Variants in CLSTN1 observed in about 807,000 individuals in gnomAD.
CLSTN1 encodes calsyntenin 1, also known as calsyntenin-1.
Under a neutral mutation model 108.3 loss-of-function variants are expected in CLSTN1, and 28 were observed. The observed-to-expected ratio is 0.26, with a 90% CI of 0.19 to 0.35. The LOEUF (loss-of-function observed/expected upper bound fraction) is 0.35, where lower values mean the gene tolerates loss of function less well. Ranked by LOEUF, CLSTN1 falls within the 10% of genes least tolerant of loss-of-function variation. The pLI, the probability that CLSTN1 is intolerant of heterozygous loss-of-function variation, is 1.00. For missense variants in CLSTN1, 1,157 were observed against 1,302.6 expected (o/e 0.89, Z 1.72); for synonymous variants, 524 against 534.9 (o/e 0.98, Z 0.28).
chr1:9,737,366 CA>C (rs138122264), intron 11 of CLSTN1, 131 bp downstream of exon 11: 8,883 of 790,688 alleles, frequency 0.011, 63 homozygotes, highest in Middle Eastern at 0.025. Flanking sequence ...TGGGGAAGCG[CA>C]ATGCAGGGAA....
intron 1 of CLSTN1, among the ~76,000 whole-genome samples, chr1:9,787,434 C>T (rs1653548906): frequency 1.4e-5 from 2 of 139,424 alleles, no homozygotes; most frequent in South Asian, 2.5e-4. Flanking sequence ...GACGGAGTCT[C>T]ACTCTGTCGC....
In CLSTN1 at chr1:9,784,129, G is replaced by A. The variant is rs542559649; in HGVS notation, c.92-10735C>T. On this transcript the variant is annotated intron_variant, in intron 1 of 18. Transcript: ENST00000377298. ...GGAGGTTGCAATGAGCCAAGATTGC[G>A]CCACTGCACTCCAGCCTGGGCGACA... Among the ~76,000 whole-genome samples, 20 of 141,728 alleles carry A rather than the reference G, an allele frequency of 1.4e-4. No homozygotes were observed. In the East Asian group the frequency reaches 3.3e-3, roughly 23 times the overall value. 93.0% of individuals were successfully genotyped at this position (141,728 alleles called of 152,430 possible).
rs1190350803 is a variant in CLSTN1, at chr1:9,755,142, C to T, written c.412G>A (p.Asp138Asn). ...IQAYDCGKGP[D>N]GTNVKKSHKA... ...TGAGACTTTTTCACGTTGGTGCCAT[C>T]AGGTCCCTTCCCACAATCATAGGCC... The change falls in exon 4 of 19, where the codon GAT (aspartate) becomes AAT (asparagine). Residue 138 changes from aspartate to asparagine, a missense_variant. Coordinates refer to ENST00000377298, the MANE Select transcript of CLSTN1 (RefSeq NM_001009566.3). 7.4e-6 allele frequency: 12 copies of T among 1,613,210 alleles called. No individual in the cohort carries two copies. The highest frequency in any genetic ancestry group is 9.3e-6 in the Non-Finnish European group (11 of 1,179,348).
At chr1:9,773,475 G>A in intron 1 of CLSTN1, 81 bp from the exon 2 acceptor site, 3 of 1,386,600 alleles carry the variant, frequency 2.2e-6, no homozygotes, top group Non-Finnish European at 2.9e-6. Flanking sequence ...ACACACACCT[G>A]CTATTAAAAT....
chr1:9,734,070 T>A lies in CLSTN1; in HGVS notation c.2183A>T (p.Glu728Val), dbSNP rs767351766. The A allele has an allele frequency of 1.2e-6, 2 of 1,613,936 alleles. No individual in the cohort carries two copies. The highest frequency in any genetic ancestry group is 2.2e-5 in the East Asian group (1 of 44,836). Reference sequence around the variant, plus strand: ...CAGGCTCTCCTGCTCGTGGTTCAGCTCCTCTCCCTCCACCGTGACCTCACA... The same window carrying A: ...CAGGCTCTCCTGCTCGTGGTTCAGCACCTCTCCCTCCACCGTGACCTCACA... ...DTCEVTVEGE[E>V]LNHEQESLEV... The change falls in exon 15 of 19, where the codon GAG (glutamate) becomes GTG (valine). Residue 728 changes from glutamate to valine, a missense_variant. Coordinates refer to ENST00000377298, the MANE Select transcript of CLSTN1 (RefSeq NM_001009566.3). The surrounding 1 kb of genome is among the most constrained non-coding windows in gnomAD (Gnocchi z 4.8).
Position 9,728,936 on chromosome 1 carries a change from G to GTTCT in CLSTN1, c.*1568_*1571dup, listed in dbSNP as rs985565907. The GTTCT allele has an allele frequency of 2.6e-5, 4 of 152,320 alleles. No individual in the cohort carries two copies. The highest frequency in any genetic ancestry group is 9.6e-5 in the African/African-American group (4 of 41,564). 9.4% of individuals were successfully genotyped at this position (152,320 alleles called of 1,614,324 possible). On this transcript the variant is annotated 3_prime_UTR_variant, in exon 19 of 19. Coordinates refer to ENST00000377298, the MANE Select transcript of CLSTN1 (RefSeq NM_001009566.3). ...GAAAAGAAAGAAAAAGCCTTTTTAT[G>GTTCT]TTCTTTTATGTTCTCGGCTCAAAAA...
At chr1:9,814,112 A>G (rs1654877907) in intron 1 of CLSTN1, among the ~76,000 whole-genome samples, 1 of 151,672 alleles carries the variant, frequency 6.6e-6, no homozygotes, top group Admixed American at 6.6e-5. Flanking sequence ...AAAAAAAAAA[A>G]GAAAGAAAAA....
chr1:9,782,049 G>A (rs1278469457), intron 1 of CLSTN1, among the ~76,000 whole-genome samples: 1 of 152,126 alleles, frequency 6.6e-6, no homozygotes, highest in African/African-American at 2.4e-5. Context: ...ATGTATGTCG[G>A]AATCTTGTTT....
chr1:9,764,199 G>A (rs1415658803), intron 2 of CLSTN1, among the ~76,000 whole-genome samples: 2 of 151,982 alleles, frequency 1.3e-5, no homozygotes, highest in Admixed American at 6.6e-5. Context: ...GAGCTCTTGT[G>A]GGAACTAAAA....
At chr1:9,751,411 A>G in intron 5 of CLSTN1, 62 bp downstream of exon 5, 2 of 1,521,232 alleles carry the variant, frequency 1.3e-6, no homozygotes, top group African/African-American at 1.4e-5. Flanking sequence ...GCTGGGGTGT[A>G]AAGTCAGTGG....
chr1:9,802,822 GA>G (rs1654339160), intron 1 of CLSTN1, among the ~76,000 whole-genome samples: 1 of 108,950 alleles, frequency 9.2e-6, no homozygotes. Context: ...GATTTTCTTA[GA>G]TTTTTTTTTT....
intron 5 of CLSTN1, 148 bp downstream of exon 5, chr1:9,751,325 T>C: frequency 1.4e-6 from 1 of 696,534 alleles, no homozygotes; most frequent in Non-Finnish European, 2.4e-6. Flanking sequence ...TTAAATGTTT[T>C]TACAATTAAA....
chr1:9,762,904 G>A (rs953168849), intron 2 of CLSTN1, among the ~76,000 whole-genome samples: 1 of 152,214 alleles, frequency 6.6e-6, no homozygotes, highest in African/African-American at 2.4e-5. Context: ...ACTGGTCCAG[G>A]CTAGTTTCTG....
Position 9,823,616 on chromosome 1 carries a change from GCGGCC to G in CLSTN1, c.91+22_91+26del. The G allele has an allele frequency of 8.5e-7, 1 of 1,177,888 alleles. No homozygotes were observed. The highest frequency in any genetic ancestry group is 1.1e-6 in the Non-Finnish European group (1 of 950,940). 73.0% of individuals were successfully genotyped at this position (1,177,888 alleles called of 1,614,324 possible). A position where few individuals can be genotyped will look rare whatever the true frequency, so the allele number is the denominator to read the frequency against. On this transcript the variant is annotated intron_variant, in intron 1 of 18. Transcript: ENST00000377298. The surrounding 1 kb of genome is among the most constrained non-coding windows in gnomAD (Gnocchi z 6.3). ...CGGACCCGAATCCCGCACCGACCCAGCGGCCCGGCCCAGCCCCGGGGCTTACCTCG... is the reference window on the plus strand; with the variant it reads ...CGGACCCGAATCCCGCACCGACCCAGCGGCCCAGCCCCGGGGCTTACCTCG...
intron 1 of CLSTN1, among the ~76,000 whole-genome samples, chr1:9,792,192 AAACAACAAC>A (rs539933669): frequency 1.3e-5 from 2 of 150,882 alleles, no homozygotes; most frequent in Non-Finnish European, 2.9e-5. Context: ...TCAAGGGGAA[AAACAACAAC>A]AACAACAACA....
intron 1 of CLSTN1, among the ~76,000 whole-genome samples, chr1:9,793,213 A>G (rs571243186): frequency 6.6e-6 from 1 of 151,402 alleles, no homozygotes; most frequent in Non-Finnish European, 1.5e-5. Flanking sequence ...GGGTTTCACC[A>G]TGTTTGCCAG....
chr1:9,755,266 A>C lies in CLSTN1; in HGVS notation c.288T>G (p.Phe96Leu). The C allele has an allele frequency of 6.2e-7, 1 of 1,613,840 alleles. No homozygotes were observed. The highest frequency in any genetic ancestry group is 8.5e-7 in the Non-Finnish European group (1 of 1,179,806). ...TGGATTTATCCACTACCACTGCATC[A>C]AAGGGGACATTCTGCCCGTGAATTT... is the stretch of plus-strand genomic sequence containing the variant. ...GFKIHGQNVP[F>L]DAVVVDKSTG... is the part of the protein sequence containing the mutation. Residue 96 changes from phenylalanine to leucine, a missense_variant, in exon 4 of 19, where the codon TTT becomes TTG. Coordinates refer to ENST00000377298, the MANE Select transcript of CLSTN1 (RefSeq NM_001009566.3).
Position 9,778,818 on chromosome 1 carries a change from C to G in CLSTN1, c.92-5424G>C, listed in dbSNP as rs375841089. 1.6e-4 allele frequency among the ~76,000 whole-genome samples: 25 copies of G among 151,860 alleles called. No individual in the cohort carries two copies. In the East Asian group the frequency reaches 3.7e-3, roughly 22 times the overall value. On this transcript the variant is annotated intron_variant, in intron 1 of 18. Transcript: ENST00000377298. ...TCACCTGAGGTCAGGAGTTCGAGACCAGCCTGGCCAACATGGTAAAACCCC... is the reference window on the plus strand; with the variant it reads ...TCACCTGAGGTCAGGAGTTCGAGACGAGCCTGGCCAACATGGTAAAACCCC...
At position 9,734,272 on chromosome 1, in the gene CLSTN1, C is replaced by T. The variant is rs563097924; in HGVS notation, c.2111-130G>A. 5.6e-6 allele frequency: 5 copies of T among 885,208 alleles called. No homozygotes were observed. In the South Asian group the frequency reaches 6.6e-5, roughly 12 times the overall value. The allele number at this position is 885,208 out of a possible 1,614,324, so 54.8% of individuals were successfully genotyped here. A position where few individuals can be genotyped will look rare whatever the true frequency, so the allele number is the denominator to read the frequency against. ...CGTAAGGACCAACGACAGAAGCAAGCGAGAGTTGCTTTCAAGAAACGGCTG... is the reference window on the plus strand; with the variant it reads ...CGTAAGGACCAACGACAGAAGCAAGTGAGAGTTGCTTTCAAGAAACGGCTG... On this transcript the variant is annotated intron_variant, in intron 14 of 18. Transcript: ENST00000377298. This position sits in a 1 kb window ranked among gnomAD's most constrained non-coding sequence, Gnocchi z 4.8.
Sources: allele counts gnomAD v4.1 joint callset (sites outside exome capture counted in the v4.1 genomes callset), GRCh38; gene constraint gnomAD v4.1.1; non-coding constraint Gnocchi (gnomAD v3.1); transcripts MANE v1.5; gene names NCBI Gene and HGNC (gene_info 2026-07-23, HGNC 2026-07-21).